The following LRBA variants were observed in gnomAD, a reference collection of about 807,000 sequenced individuals.
The protein encoded by LRBA is LPS responsive beige-like anchor protein, also known as lipopolysaccharide-responsive and beige-like anchor protein.
A neutral mutation model predicts 330.0 loss-of-function variants in LRBA; 176 were observed. That is an observed-to-expected ratio of 0.53 (90% confidence interval 0.47 to 0.60). The LOEUF (loss-of-function observed/expected upper bound fraction) is 0.60. LRBA is among the 20% of genes least tolerant of loss of function. LRBA has a pLI of 0.00. For synonymous variants in LRBA, 1,230 were observed against 1,193.0 expected (o/e 1.03, Z -0.64); for missense variants, 3,259 against 3,444.8 (o/e 0.95, Z 1.35).
intron 28 of LRBA, among the ~76,000 whole-genome samples, chr4:150,836,348 A>G (rs1453702248): frequency 1.3e-5 from 2 of 152,100 alleles, no homozygotes; most frequent in African/African-American, 2.4e-5. Context: ...CTCTTTTTCT[A>G]TTGATTGGAA....
At chr4:150,625,926 T>A (rs1776811293) in intron 37 of LRBA, among the ~76,000 whole-genome samples, 1 of 151,722 alleles carries the variant, frequency 6.6e-6, no homozygotes, top group Admixed American at 6.6e-5. Context: ...GCCAGGCTGG[T>A]CTTGAACTCC....
intron 22 of LRBA, among the ~76,000 whole-genome samples, chr4:150,860,983 T>C (rs1207772018): frequency 6.6e-6 from 1 of 152,206 alleles, no homozygotes; most frequent in Non-Finnish European, 1.5e-5. Context: ...CTAGACTCTA[T>C]GGTATAGCTT....
intron 33 of LRBA, among the ~76,000 whole-genome samples, chr4:150,803,712 T>C (rs1386423832): frequency 1.3e-5 from 2 of 152,126 alleles, no homozygotes; most frequent in Non-Finnish European, 2.9e-5. Flanking sequence ...CAACATAAAA[T>C]ACATAAGTTA....
intron 50 of LRBA, among the ~76,000 whole-genome samples, chr4:150,316,714 A>G (rs1017973786): frequency 4.6e-5 from 7 of 152,174 alleles, no homozygotes; most frequent in African/African-American, 1.7e-4. Context: ...TGGGACCTCA[A>G]CCCTGGCTCT....
Position 150,490,968 on chromosome 4 carries a change from C to T in LRBA, c.6398G>A (p.Arg2133His), listed in dbSNP as rs779159521. 9.3e-6 allele frequency: 15 copies of T among 1,609,306 alleles called. No homozygotes were observed. Among genetic ancestry groups the T allele is most frequent in the South Asian group, 5.5e-5 (5 of 90,358 alleles). Residue 2133 changes from arginine (R) to histidine (H), a missense_variant, in exon 41 of 57, where the codon CGT becomes CAT. Transcript: ENST00000651943. ...LFTEIRSIFS[R>H]RYLLQNTALE... ...GGCTGTATTTTGCAAAAGATAACGA[C>T]GAGAAAAGATTGATCGTATCTCTGT...
At chr4:151,000,810 A>G (rs1743241493) in intron 2 of LRBA, among the ~76,000 whole-genome samples, 2 of 152,262 alleles carry the variant, frequency 1.3e-5, no homozygotes. Flanking sequence ...ATAATCCAAG[A>G]AAGAACACTG....
chr4:150,683,540 T>C lies in LRBA; in HGVS notation c.5921+11A>G. On this transcript the variant is annotated intron_variant, in intron 37 of 56. Coordinates refer to ENST00000651943, the MANE Select transcript of LRBA (RefSeq NM_001364905.1). The stretch of plus-strand genomic sequence containing the variant: ...AAAATCAGTGGCCAAATCCTAAAGG[T>C]ATCCCTTTACCTCACTGCAGAATTT... The C allele has an allele frequency of 1.9e-6, 3 of 1,607,890 alleles. No individual in the cohort carries two copies. The highest frequency in any genetic ancestry group is 2.6e-6 in the Non-Finnish European group (3 of 1,175,038).
chr4:150,382,873 C>A (rs1742479428), intron 47 of LRBA, among the ~76,000 whole-genome samples: 1 of 152,110 alleles, frequency 6.6e-6, no homozygotes, highest in African/African-American at 2.4e-5. Flanking sequence ...TTCTAACACT[C>A]ATAAGGACAA....
intron 37 of LRBA, among the ~76,000 whole-genome samples, chr4:150,631,505 T>C (rs1375965213): frequency 6.6e-6 from 1 of 152,214 alleles, no homozygotes; most frequent in Non-Finnish European, 1.5e-5. Context: ...GAATGGCATA[T>C]ATGAAAATGT....
chr4:150,387,687 G>A (rs79271602), intron 47 of LRBA, among the ~76,000 whole-genome samples: 1 of 152,062 alleles, frequency 6.6e-6, no homozygotes, highest in Non-Finnish European at 1.5e-5. Context: ...GGGTGAGGAG[G>A]GGGTGGAGTC....
chr4:150,803,079 T>TACACACACACACACAC (rs1203657007), intron 33 of LRBA, among the ~76,000 whole-genome samples: 7 of 108,220 alleles, frequency 6.5e-5, no homozygotes, highest in African/African-American at 2.8e-4. Context: ...AAAAAAAATA[T>TACACACACACACACAC]ATATACACAC....
At chr4:151,005,602 C>CTTTT (rs1187161237) in intron 2 of LRBA, among the ~76,000 whole-genome samples, 4 of 103,010 alleles carry the variant, frequency 3.9e-5, no homozygotes, top group African/African-American at 9.3e-5. Flanking sequence ...GTTACCCAGG[C>CTTTT]TTTTTTTTTT....
At chr4:150,780,185 G>C (rs763797334) in intron 34 of LRBA, among the ~76,000 whole-genome samples, 17 of 152,112 alleles carry the variant, frequency 1.1e-4, no homozygotes, top group Non-Finnish European at 1.9e-4. Context: ...CATGGAATAA[G>C]TTTTTATGGT....
chr4:150,541,094 G>GTTAGCCAGTTACTGGAT (rs1466720873), intron 40 of LRBA, among the ~76,000 whole-genome samples: 1 of 152,160 alleles, frequency 6.6e-6, no homozygotes, highest in Non-Finnish European at 1.5e-5. Context: ...GTAAACGAAA[G>GTTAGCCAGTTACTGGAT]TTAGCCAGTT....
At chr4:150,534,198 A>C (rs1432416155) in intron 40 of LRBA, among the ~76,000 whole-genome samples, 1 of 151,500 alleles carries the variant, frequency 6.6e-6, no homozygotes, top group Non-Finnish European at 1.5e-5. Context: ...TTATAAGATC[A>C]TTTAGTCAAG....
At chr4:150,449,229 C>G (rs1753044883) in intron 44 of LRBA, among the ~76,000 whole-genome samples, 1 of 152,024 alleles carries the variant, frequency 6.6e-6, no homozygotes, top group South Asian at 2.1e-4. Context: ...CCCCTAGGAC[C>G]CAGGCAAAGA....
rs1750697908 is a variant in LRBA at position 150,852,206 on chromosome 4, A to G, written c.3504T>C (p.Asp1168=). The G allele has an allele frequency of 3.1e-6, 5 of 1,614,168 alleles. No individual in the cohort carries two copies. The highest frequency in any genetic ancestry group is 4.2e-6 in the Non-Finnish European group (5 of 1,180,012). Reference sequence around the variant, plus strand: ...AATCTTTAGAATCTTGAGTTTCAGTATCAGTTTGCTTTTCAGTAACAGGTT... The same window carrying G: ...AATCTTTAGAATCTTGAGTTTCAGTGTCAGTTTGCTTTTCAGTAACAGGTT... The part of the protein sequence containing the change: ...EGKPVTEKQT[D]TETQDSKDSG... The change falls in exon 23 of 57, where the codon GAT becomes GAC. Residue 1168 remains aspartate (D), a synonymous_variant. Coordinates refer to ENST00000651943, the MANE Select transcript of LRBA (RefSeq NM_001364905.1).
chr4:150,694,184 C>T (rs534953828), intron 36 of LRBA, among the ~76,000 whole-genome samples: 45 of 152,170 alleles, frequency 3.0e-4, no homozygotes, highest in African/African-American at 1.1e-3. Context: ...TGGAATCAAA[C>T]TGTACATCAT....
chr4:150,497,954 G>A lies in LRBA; in HGVS notation c.6331-6919C>T, dbSNP rs143280859. Among the ~76,000 whole-genome samples, 400 of 152,228 alleles carry A rather than the reference G, an allele frequency of 2.6e-3. 1 individual carries two copies. The highest frequency in any genetic ancestry group is 9.2e-3 in the African/African-American group (383 of 41,528). On this transcript the variant is annotated intron_variant, in intron 40 of 56. Coordinates refer to ENST00000651943, the MANE Select transcript of LRBA (RefSeq NM_001364905.1). The stretch of plus-strand genomic sequence containing the variant: ...GACTGTGAAAATTACTTGCCCTTAT[G>A]ACCTGAAATTTCACTAGAAGACAGA...
Sources: allele counts gnomAD v4.1 joint callset (sites outside exome capture counted in the v4.1 genomes callset), GRCh38; gene constraint gnomAD v4.1.1; transcripts MANE v1.5; gene names NCBI Gene and HGNC (gene_info 2026-07-23, HGNC 2026-07-21).